SEZ6L: variants seen among roughly 807,000 people sequenced by gnomAD.
SEZ6L encodes seizure 6-like protein.
A neutral mutation model predicts 106.2 loss-of-function variants in SEZ6L; 37 were observed. The observed-to-expected ratio is 0.35, with a 90% CI of 0.27 to 0.46. The LOEUF (loss-of-function observed/expected upper bound fraction) is 0.46. Among genes scored for constraint, SEZ6L ranks in the 20% least tolerant of loss-of-function variants. The pLI is 1.00. For missense variants in SEZ6L, 1,172 were observed against 1,332.8 expected (o/e 0.88, Z 1.88); for synonymous variants, 541 against 570.4 (o/e 0.95, Z 0.73).
At position 26,293,134 on chromosome 22, in the gene SEZ6L, G is replaced by A. The variant is rs760398959; in HGVS notation, c.823G>A (p.Glu275Lys). The A allele has an allele frequency of 8.4e-6, 13 of 1,549,518 alleles. No individual in the cohort carries two copies. Among genetic ancestry groups the A allele is most frequent in the South Asian group, 7.2e-5 (6 of 83,884 alleles). The change falls in exon 2 of 17, where the codon GAG becomes AAG. Residue 275 changes from glutamate (E) to lysine (K), a missense_variant. By Grantham distance (56) the Glu-to-Lys change is moderately conservative. Transcript: ENST00000248933. Reference protein sequence around the residue: ...TIITTTVITTEQAPALCSVSF... With the variant: ...TIITTTVITTKQAPALCSVSF... ...TATCACCACCACGGTCATCACCACC[G>A]AGCAGGCACCAGGTATGCAGCCCCC...
intron 5 of SEZ6L, among the ~76,000 whole-genome samples, chr22:26,300,979 AT>A (rs1410056459): frequency 5.3e-5 from 8 of 152,160 alleles, no homozygotes; most frequent in African/African-American, 1.9e-4. Flanking sequence ...AAAATTAAAT[AT>A]TTTTTTCTTT....
chr22:26,354,928 C>A (rs1014544537), intron 12 of SEZ6L, among the ~76,000 whole-genome samples: 1 of 152,184 alleles, frequency 6.6e-6, no homozygotes, highest in African/African-American at 2.4e-5. Context: ...AAGAGCCCTG[C>A]GTGTGGTGGC....
chr22:26,338,845 C>T (rs1243879032), intron 9 of SEZ6L, among the ~76,000 whole-genome samples: 2 of 139,474 alleles, frequency 1.4e-5, no homozygotes, highest in African/African-American at 5.0e-5. Flanking sequence ...CGTGAGCCAC[C>T]ACGCCCGGAC....
chr22:26,331,981 T>C (rs976521024), intron 9 of SEZ6L, among the ~76,000 whole-genome samples: 1 of 151,698 alleles, frequency 6.6e-6, no homozygotes, highest in Non-Finnish European at 1.5e-5. Flanking sequence ...CAAGACTGTG[T>C]CTCAAAAAAG....
chr22:26,215,178 A>T (rs985485020), intron 1 of SEZ6L, among the ~76,000 whole-genome samples: 2 of 152,212 alleles, frequency 1.3e-5, no homozygotes, highest in African/African-American at 4.8e-5. Flanking sequence ...TTTAATCATG[A>T]TGTTAACTGA....
chr22:26,216,177 C>G (rs1263948711), intron 1 of SEZ6L, among the ~76,000 whole-genome samples: 1 of 152,138 alleles, frequency 6.6e-6, no homozygotes, highest in Non-Finnish European at 1.5e-5. Flanking sequence ...AACAGAAAAC[C>G]AGGGAGAGCT....
chr22:26,174,672 G>A (rs765216219), intron 1 of SEZ6L, among the ~76,000 whole-genome samples: 89 of 152,186 alleles, frequency 5.8e-4, no homozygotes, highest in Non-Finnish European at 7.1e-4. Flanking sequence ...TCTGGTTACT[G>A]TAGTTCCTTA....
intron 9 of SEZ6L, among the ~76,000 whole-genome samples, chr22:26,339,799 G>A (rs5761486): frequency 0.53 from 79,947 of 152,060 alleles, 21,354 homozygotes; most frequent in African/African-American, 0.55. Flanking sequence ...CCAGCCTGTA[G>A]CCTGGTGCCT....
intron 11 of SEZ6L, among the ~76,000 whole-genome samples, chr22:26,348,622 A>G (rs1419884062): frequency 6.2e-5 from 2 of 32,182 alleles, no homozygotes; most frequent in African/African-American, 2.1e-4. Flanking sequence ...AAAAGAAAGA[A>G]AGAAAGAAAG....
At chr22:26,228,121 A>T (rs2078689496) in intron 1 of SEZ6L, among the ~76,000 whole-genome samples, 2 of 152,230 alleles carry the variant, frequency 1.3e-5, no homozygotes, top group Admixed American at 1.3e-4. Flanking sequence ...GGCACCCACC[A>T]ACAGAGGTGC....
intron 1 of SEZ6L, among the ~76,000 whole-genome samples, chr22:26,190,747 T>G (rs1940135943): frequency 6.6e-6 from 1 of 152,188 alleles, no homozygotes; most frequent in Non-Finnish European, 1.5e-5. Flanking sequence ...CAAAGGAATG[T>G]CAGGAGATGT....
At chr22:26,250,545 T>C (rs1334353436) in intron 1 of SEZ6L, among the ~76,000 whole-genome samples, 1 of 152,218 alleles carries the variant, frequency 6.6e-6, no homozygotes, top group Non-Finnish European at 1.5e-5. Context: ...GCTGGCACCA[T>C]GCTGTTTTAG....
intron 9 of SEZ6L, among the ~76,000 whole-genome samples, chr22:26,324,109 C>A (rs1601502447): frequency 6.7e-6 from 1 of 150,274 alleles, no homozygotes; most frequent in South Asian, 2.1e-4. Flanking sequence ...CACAAACACA[C>A]ACACACACAC....
At position 26,209,112 on chromosome 22, in the gene SEZ6L, T is replaced by C. The variant is rs148896233; in HGVS notation, c.94+39349T>C. ...CAGAGTTTTTATACTTTTTACTTCA[T>C]TACTGATACTTTCTATCTTTTCATT... On this transcript the variant is annotated intron_variant, in intron 1 of 16. Transcript: ENST00000248933. Among the ~76,000 whole-genome samples the C allele has an allele frequency of 2.0e-5, 3 of 152,318 alleles. No individual in the cohort carries two copies. The East Asian group carries it at 5.8e-4, about 29-fold the overall frequency.
intron 1 of SEZ6L, among the ~76,000 whole-genome samples, chr22:26,180,567 T>C (rs1188623616): frequency 6.6e-6 from 1 of 152,236 alleles, no homozygotes; most frequent in African/African-American, 2.4e-5. Context: ...GTCTTCACAT[T>C]ATTTGGGTAA....
At chr22:26,305,135 T>C (rs538241783) in intron 5 of SEZ6L, among the ~76,000 whole-genome samples, 4 of 152,334 alleles carry the variant, frequency 2.6e-5, no homozygotes, top group South Asian at 2.1e-4. Flanking sequence ...ACCACTGCCA[T>C]ATATACACTC....
Position 26,169,572 on chromosome 22 carries a change from C to A in SEZ6L, c.-98C>A. 2.3e-6 allele frequency: 1 copy of A among 441,814 alleles called. No individual in the cohort carries two copies. The highest frequency in any genetic ancestry group is 6.0e-5 in the South Asian group (1 of 16,654). 27.4% of individuals were successfully genotyped at this position (441,814 alleles called of 1,614,324 possible). On this transcript the variant is annotated 5_prime_UTR_variant, in exon 1 of 17. Transcript: ENST00000248933. ...CCGGCCCGCGGCCTCCTCCCTCGCT[C>A]CCGCTTCCCCTTTCTCGCTCACCGC...
chr22:26,189,268 G>A (rs911719849), intron 1 of SEZ6L, among the ~76,000 whole-genome samples: 2 of 152,308 alleles, frequency 1.3e-5, no homozygotes, highest in Non-Finnish European at 2.9e-5. Context: ...TCAGAGAGGC[G>A]AAGTCCTTGA....
intron 10 of SEZ6L, among the ~76,000 whole-genome samples, chr22:26,343,655 C>T (rs900764411): frequency 2.0e-5 from 3 of 152,110 alleles, no homozygotes; most frequent in Non-Finnish European, 4.4e-5. Context: ...AGTGGAAATG[C>T]GAAAGGCAGT....
Sources: gnomAD v4.1 joint callset for allele counts (sites outside exome capture counted in the v4.1 genomes callset) on GRCh38, gnomAD v4.1.1 for gene constraint, MANE v1.5 for transcripts, NCBI Gene and HGNC (gene_info 2026-07-23, HGNC 2026-07-21) for gene names.